Variants in PRRC2C observed in about 807,000 individuals in gnomAD.
PRRC2C encodes protein PRRC2C.
A neutral mutation model predicts 317.2 loss-of-function variants in PRRC2C; 72 were observed. The ratio of observed to expected loss-of-function variants is 0.23; its 90% CI spans 0.19 to 0.28. PRRC2C has a LOEUF of 0.28. PRRC2C is among the 10% of genes least tolerant of loss of function. The pLI, the probability that PRRC2C is intolerant of heterozygous loss-of-function variation, is 1.00. For missense variants in PRRC2C, 3,074 were observed against 3,459.7 expected (o/e 0.89, Z 2.80); for synonymous variants, 1,296 against 1,205.9 (o/e 1.07, Z -1.55).
At chr1:171,526,618 G>A (rs111840721) in intron 10 of PRRC2C, among the ~76,000 whole-genome samples, 1 of 151,416 alleles carries the variant, frequency 6.6e-6, no homozygotes, top group Non-Finnish European at 1.5e-5. Context: ...GATTACAGGC[G>A]TGAGGCACCA....
Position 171,540,600 on chromosome 1 carries a change from C to T in PRRC2C, c.3134C>T (p.Thr1045Ile), listed in dbSNP as rs1557953467. 6.2e-7 allele frequency: 1 copy of T among 1,613,868 alleles called. No homozygotes were observed. The highest frequency in any genetic ancestry group is 8.5e-7 in the Non-Finnish European group (1 of 1,179,864). Residue 1045 changes from threonine (T) to isoleucine (I), a missense_variant, in exon 16 of 35, where the codon ACT (threonine) becomes ATT (isoleucine). Physicochemically the swap from Thr to Ile is moderately conservative, Grantham distance 89. Transcript: ENST00000647382. Reference sequence around the variant, plus strand: ...GAAGGAGAAAAGGCCGAAAAGGTCACTGAAAAAGTAGTTGTAAAGCCTGAA... The same window carrying T: ...GAAGGAGAAAAGGCCGAAAAGGTCATTGAAAAAGTAGTTGTAAAGCCTGAA... ...EKEGEKAEKV[T>I]EKVVVKPEKT...
In PRRC2C at chr1:171,587,663, C is replaced by A. The variant is rs1373623006; in HGVS notation, c.7984C>A (p.Leu2662Ile). 4 of 1,610,476 alleles carry A rather than the reference C, an allele frequency of 2.5e-6. No homozygotes were observed. In the South Asian group the frequency reaches 4.4e-5, roughly 18 times the overall value. Residue 2662 changes from leucine (L) to isoleucine (I), a missense_variant, in exon 32 of 35, where the codon CTA (leucine) becomes ATA (isoleucine). Leu to Ile is a conservative substitution (Grantham distance 5, BLOSUM62 2). Transcript: ENST00000647382. Reference sequence around the variant, plus strand: ...TTCTCCTCAGATGTCTGAAATGGAACTAAAAGCCTTTGGAAGTGGCATTGA... The same window carrying A: ...TTCTCCTCAGATGTCTGAAATGGAAATAAAAGCCTTTGGAAGTGGCATTGA... ...ATTGKMSEME[L>I]KAFGSGIDIK...
chr1:171,585,220 A>T (rs920137757), intron 30 of PRRC2C, among the ~76,000 whole-genome samples: 1 of 152,224 alleles, frequency 6.6e-6, no homozygotes, highest in African/African-American at 2.4e-5. Context: ...ATTAAGTGTG[A>T]TACAGGTGGT....
Position 171,517,689 on chromosome 1 carries a change from A to G in PRRC2C, c.625A>G (p.Thr209Ala), listed in dbSNP as rs145771515. 2 of 1,613,664 alleles carry G rather than the reference A, an allele frequency of 1.2e-6. No individual in the cohort carries two copies. The highest frequency in any genetic ancestry group is 1.3e-5 in the African/African-American group (1 of 74,934). The change falls in exon 6 of 35, where the codon ACA becomes GCA. Residue 209 changes from threonine (T) to alanine (A), a missense_variant. Thr to Ala is a moderately conservative substitution (Grantham distance 58). Coordinates refer to ENST00000647382, the MANE Select transcript of PRRC2C (RefSeq NM_001387844.1). Reference sequence around the variant, plus strand: ...TGGCCAGGATGAAAGCACAGCTGGAACATCAGAGCAAAATGATATCCTCAA... The same window carrying G: ...TGGCCAGGATGAAAGCACAGCTGGAGCATCAGAGCAAAATGATATCCTCAA... ...LPGQDESTAG[T>A]SEQNDILKVV...
intron 1 of PRRC2C, among the ~76,000 whole-genome samples, chr1:171,503,533 A>AT (rs1669578303): frequency 6.6e-6 from 1 of 152,122 alleles, no homozygotes; most frequent in Non-Finnish European, 1.5e-5. Context: ...CAAAAAAAAA[A>AT]AAAGAAACTG....
At chr1:171,513,269 T>C in intron 3 of PRRC2C, 97 bp downstream of exon 3, 2 of 1,174,148 alleles carry the variant, frequency 1.7e-6, no homozygotes, top group Non-Finnish European at 2.4e-6. Flanking sequence ...ATGCTGTCTG[T>C]ATTACATATT....
rs1188459530 is a variant in PRRC2C, at chr1:171,507,428, TG to T, written c.-57-4602del. On this transcript the variant is annotated intron_variant, in intron 1 of 34. Transcript: ENST00000647382. ...GAGTTCAAGACCACCCTGACCAACATGGTGAAACCCCTTCTTTACTAAAAAT... is the reference window on the plus strand; with the variant it reads ...GAGTTCAAGACCACCCTGACCAACATGTGAAACCCCTTCTTTACTAAAAAT... 2.0e-5 allele frequency among the ~76,000 whole-genome samples: 3 copies of T among 152,164 alleles called. No individual in the cohort carries two copies. The East Asian group carries it at 5.8e-4, about 29-fold the overall frequency.
At chr1:171,576,711 G>T (rs1685754732) in intron 25 of PRRC2C, among the ~76,000 whole-genome samples, 1 of 150,560 alleles carries the variant, frequency 6.6e-6, no homozygotes, top group African/African-American at 2.4e-5. Context: ...TGTTTTTTAA[G>T]AGTTGATGTC....
At chr1:171,544,733 T>C (rs1678719573) in intron 16 of PRRC2C, among the ~76,000 whole-genome samples, 2 of 152,232 alleles carry the variant, frequency 1.3e-5, no homozygotes. Context: ...GTGACGATTA[T>C]AATTAAATGT....
chr1:171,506,616 A>G (rs1235946089), intron 1 of PRRC2C, among the ~76,000 whole-genome samples: 1 of 70,776 alleles, frequency 1.4e-5, no homozygotes, highest in Non-Finnish European at 3.0e-5. Context: ...TTTTTTTTTT[A>G]AGCTTTTTCC....
intron 1 of PRRC2C, among the ~76,000 whole-genome samples, chr1:171,493,083 A>G (rs796249980): frequency 1.0e-3 from 149 of 143,686 alleles, no homozygotes; most frequent in African/African-American, 3.5e-3. Flanking sequence ...AAAATAATAA[A>G]AGAAGAGAAG....
chr1:171,589,832 C>G (rs1423620696), intron 34 of PRRC2C, among the ~76,000 whole-genome samples: 1 of 147,012 alleles, frequency 6.8e-6, no homozygotes, highest in Non-Finnish European at 1.5e-5. Flanking sequence ...TTTTTTGCAA[C>G]TGTAGTCAGG....
chr1:171,539,271 T>C (rs1391202465), intron 15 of PRRC2C, among the ~76,000 whole-genome samples: 3 of 151,494 alleles, frequency 2.0e-5, no homozygotes, highest in South Asian at 2.1e-4. Context: ...AAAGTGAGGA[T>C]TGGGATTACA....
chr1:171,536,306 A>G, intron 14 of PRRC2C, 28 bp downstream of exon 14: 2 of 1,594,238 alleles, frequency 1.3e-6, no homozygotes, highest in Non-Finnish European at 1.7e-6. Flanking sequence ...TTATAGTTTT[A>G]CAGGATCAAA....
At chr1:171,519,377 C>A (rs553948321) in intron 6 of PRRC2C, among the ~76,000 whole-genome samples, 4 of 152,176 alleles carry the variant, frequency 2.6e-5, no homozygotes, top group African/African-American at 9.7e-5. Flanking sequence ...AGGATCCAGG[C>A]AACATCCATT....
intron 6 of PRRC2C, among the ~76,000 whole-genome samples, chr1:171,519,520 C>T (rs576304234): frequency 6.6e-6 from 1 of 152,094 alleles, no homozygotes; most frequent in Non-Finnish European, 1.5e-5. Flanking sequence ...TTTGTTGATA[C>T]TATCTTTAAT....
At chr1:171,569,674 T>C (rs977222085) in intron 23 of PRRC2C, among the ~76,000 whole-genome samples, 3 of 147,408 alleles carry the variant, frequency 2.0e-5, no homozygotes, top group Non-Finnish European at 4.5e-5. Context: ...AAGACTTCCT[T>C]TCAGTTTAAG....
In PRRC2C at chr1:171,590,744, G is replaced by A. The variant is rs148457954; in HGVS notation, c.8437-843G>A. ...GTTTGTTATAATTAGAAATACCAGT[G>A]TGAGTAAAAATCTTAGGAAGTTATT... On this transcript the variant is annotated intron_variant, in intron 34 of 34. Transcript: ENST00000647382. Among the ~76,000 whole-genome samples, 500 of 152,274 alleles carry A rather than the reference G, an allele frequency of 3.3e-3. 4 individuals carry two copies. Among genetic ancestry groups the A allele is most frequent in the African/African-American group, 0.012 (478 of 41,544 alleles).
Position 171,557,369 on chromosome 1 carries a change from T to G in PRRC2C, c.5257T>G (p.Ser1753Ala). ...QSSASVPPLA[S>A]APLPPSTSAS... ...TTCAGCCTCAGTTCCACCTCTAGCT[T>G]CGGCTCCACTTCCACCTTCAACCTC... Residue 1753 changes from serine to alanine, a missense_variant, in exon 19 of 35, where the codon TCG (serine) becomes GCG (alanine). Transcript: ENST00000647382. The G allele has an allele frequency of 6.4e-6, 10 of 1,551,754 alleles. No homozygotes were observed. The highest frequency in any genetic ancestry group is 8.7e-6 in the Non-Finnish European group (10 of 1,147,028).
Sources: allele counts gnomAD v4.1 joint callset (sites outside exome capture counted in the v4.1 genomes callset), GRCh38; gene constraint gnomAD v4.1.1; transcripts MANE v1.5; gene names NCBI Gene and HGNC (gene_info 2026-07-23, HGNC 2026-07-21).